HECW1: variants seen among roughly 807,000 people sequenced by gnomAD.
HECW1 encodes E3 ubiquitin-protein ligase HECW1.
A neutral mutation model predicts 182.3 loss-of-function variants in HECW1; 61 were observed. The observed-to-expected ratio is 0.33, with a 90% confidence interval of 0.27 to 0.41. HECW1 has a LOEUF of 0.41. Among genes scored for constraint, HECW1 ranks in the 10% least tolerant of loss-of-function variants. The probability of loss-of-function intolerance (pLI) is 1.00; values close to 1 mark genes in which losing one functional copy is unlikely to be tolerated. For missense variants in HECW1, 1,739 were observed against 2,108.9 expected (o/e 0.82, Z 3.44); for synonymous variants, 859 against 832.6 (o/e 1.03, Z -0.55).
At chr7:43,377,720 G>A (rs1298801798) in intron 6 of HECW1, 3 of 206,042 alleles carry the variant, frequency 1.5e-5, no homozygotes, top group African/African-American at 2.3e-5. Flanking sequence ...AAGTCCCCAG[G>A]CATGTTGCCA....
At chr7:43,166,553 G>T (rs545834339) in intron 2 of HECW1, among the ~76,000 whole-genome samples, 4 of 152,320 alleles carry the variant, frequency 2.6e-5, no homozygotes, top group Non-Finnish European at 5.9e-5. Context: ...TTTAAGAAAA[G>T]ATAGGGGTTA....
chr7:43,213,207 G>A (rs897584488), intron 2 of HECW1, among the ~76,000 whole-genome samples: 3 of 151,988 alleles, frequency 2.0e-5, no homozygotes, highest in African/African-American at 7.3e-5. Flanking sequence ...CTTGCCCCAA[G>A]TGAGGTGTTT....
At chr7:43,254,249 A>G (rs1353006971) in intron 3 of HECW1, among the ~76,000 whole-genome samples, 3 of 151,964 alleles carry the variant, frequency 2.0e-5, no homozygotes, top group Admixed American at 6.5e-5. Flanking sequence ...AACACAGAAG[A>G]TCTTTTTTTT....
At chr7:43,374,152 A>G (rs1449287311) in intron 6 of HECW1, among the ~76,000 whole-genome samples, 2 of 152,182 alleles carry the variant, frequency 1.3e-5, no homozygotes, top group African/African-American at 4.8e-5. Flanking sequence ...ATAAGTTATC[A>G]CTCATTTCAT....
At chr7:43,554,557 C>G in intron 28 of HECW1, 35 bp from the exon 29 acceptor site, 1 of 1,578,120 alleles carries the variant, frequency 6.3e-7, no homozygotes, top group Non-Finnish European at 8.7e-7. Context: ...CTTTTCTCCA[C>G]ATCCTGTCTT....
intron 2 of HECW1, among the ~76,000 whole-genome samples, chr7:43,229,758 G>C (rs1262026783): frequency 6.6e-6 from 1 of 152,172 alleles, no homozygotes; most frequent in Non-Finnish European, 1.5e-5. Context: ...TGTAATTTCC[G>C]AGTGTCTCTC....
At chr7:43,281,178 C>T (rs1230080741) in intron 3 of HECW1, among the ~76,000 whole-genome samples, 2 of 152,186 alleles carry the variant, frequency 1.3e-5, no homozygotes, top group African/African-American at 4.8e-5. Context: ...AGAGTCCCTT[C>T]AGCAGCCTTT....
intron 4 of HECW1, among the ~76,000 whole-genome samples, chr7:43,314,964 G>A (rs1310753403): frequency 6.6e-6 from 1 of 152,150 alleles, no homozygotes; most frequent in Non-Finnish European, 1.5e-5. Flanking sequence ...CCTGGCTCAG[G>A]ACTCATGCTG....
At chr7:43,205,531 G>T (rs1050749000) in intron 2 of HECW1, among the ~76,000 whole-genome samples, 14 of 152,136 alleles carry the variant, frequency 9.2e-5, no homozygotes, top group African/African-American at 3.4e-4. Context: ...CTAGGCCAAG[G>T]TCAAGGCCTG....
rs1797946257 is a variant in HECW1 at position 43,232,193 on chromosome 7, G to A, written c.-31-11682G>A. Reference sequence around the variant, plus strand: ...CTGGTTGATTGGGATAGTTTGAATGGGCCACAGGAAAGAAGAAAGACATCC... The same window carrying A: ...CTGGTTGATTGGGATAGTTTGAATGAGCCACAGGAAAGAAGAAAGACATCC... On this transcript the variant is annotated intron_variant, in intron 2 of 29. Transcript: ENST00000395891. Among the ~76,000 whole-genome samples, 3 of 152,070 alleles carry A rather than the reference G, an allele frequency of 2.0e-5. No individual in the cohort carries two copies. The South Asian group carries it at 6.2e-4, about 32-fold the overall frequency.
rs148410875 is a variant in HECW1, at chr7:43,368,140, C to T, written c.555+7160C>T. On this transcript the variant is annotated intron_variant, in intron 6 of 29. Coordinates refer to ENST00000395891, the MANE Select transcript of HECW1 (RefSeq NM_015052.5). ...ATGTAAAACCAAACAAGACAAATCC[C>T]CATGCTCATCAAGCCACCTGCCTAA... 8.3e-3 allele frequency among the ~76,000 whole-genome samples: 1,258 copies of T among 152,304 alleles called. 6 individuals are homozygous for T. The highest frequency in any genetic ancestry group is 0.014 in the South Asian group (67 of 4,830).
intron 6 of HECW1, among the ~76,000 whole-genome samples, chr7:43,371,601 A>C (rs552579446): frequency 6.6e-6 from 1 of 152,280 alleles, no homozygotes; most frequent in African/African-American, 2.4e-5. Context: ...CAGTTTAGCA[A>C]AATTTATCAA....
intron 17 of HECW1, among the ~76,000 whole-genome samples, chr7:43,486,192 C>T (rs760986146): frequency 1.1e-4 from 17 of 152,118 alleles, no homozygotes; most frequent in Admixed American, 3.9e-4. Context: ...GCCAAGGACA[C>T]GAACTCATCC....
intron 19 of HECW1, among the ~76,000 whole-genome samples, chr7:43,497,504 C>T (rs772642124): frequency 1.4e-4 from 21 of 152,012 alleles, no homozygotes; most frequent in Non-Finnish European, 2.4e-4. Context: ...TCATGACCAC[C>T]AATGAAATAT....
chr7:43,335,817 TC>T (rs1330442699), intron 5 of HECW1, among the ~76,000 whole-genome samples: 2 of 151,490 alleles, frequency 1.3e-5, no homozygotes, highest in African/African-American at 4.8e-5. Context: ...TTCCTTTTCT[TC>T]ATTTTTCCTC....
chr7:43,123,131 C>T (rs556320658), intron 2 of HECW1, among the ~76,000 whole-genome samples: 2 of 152,292 alleles, frequency 1.3e-5, no homozygotes, highest in East Asian at 3.9e-4. Flanking sequence ...ATTTTTTGCA[C>T]TATTCATGGA....
chr7:43,274,802 A>T (rs1003670155), intron 3 of HECW1, among the ~76,000 whole-genome samples: 4 of 152,246 alleles, frequency 2.6e-5, no homozygotes, highest in Non-Finnish European at 5.9e-5. Context: ...ACACGTGAGG[A>T]CATGTAAAAA....
chr7:43,266,517 A>G (rs4724194), intron 3 of HECW1, among the ~76,000 whole-genome samples: 60,033 of 151,750 alleles, frequency 0.4, 16,366 homozygotes, highest in African/African-American at 0.78. Context: ...TGTATTTTTA[A>G]TAGAGACGGA....
At chr7:43,223,394 G>C (rs934709735) in intron 2 of HECW1, among the ~76,000 whole-genome samples, 2 of 152,206 alleles carry the variant, frequency 1.3e-5, no homozygotes, top group East Asian at 3.9e-4. Flanking sequence ...GAGGCGGGCA[G>C]ATCACCTGAG....
Sources: allele counts gnomAD v4.1 joint callset (sites outside exome capture counted in the v4.1 genomes callset), GRCh38; gene constraint gnomAD v4.1.1; transcripts MANE v1.5; gene names NCBI Gene and HGNC (gene_info 2026-07-23, HGNC 2026-07-21).